Variants in CYP2J2 observed in about 807,000 individuals in gnomAD.
The protein encoded by CYP2J2 is cytochrome P450 2J2.
A neutral mutation model predicts 48.8 loss-of-function variants in CYP2J2; 41 were observed. That is an observed-to-expected ratio of 0.84 (90% CI 0.66 to 1.09). The LOEUF (loss-of-function observed/expected upper bound fraction) is 1.09. CYP2J2 is among the 50% of genes least tolerant of loss of function. The probability of loss-of-function intolerance (pLI) is 0.00; values close to 1 mark genes in which losing one functional copy is unlikely to be tolerated. For synonymous variants in CYP2J2, 221 were observed against 227.1 expected, an observed-to-expected ratio of 0.97 and a Z score of 0.24; for missense variants, 644 against 617.3, an observed-to-expected ratio of 1.04 and a Z score of -0.46.
At chr1:59,962,452 G>A in the CYP2J2 span, among the ~76,000 whole-genome samples, 1 of 152,132 alleles carries the variant, frequency 6.6e-6, no homozygotes, top group East Asian at 1.9e-4. Context: ...AATTCTTTTG[G>A]TTTATACATT....
At chr1:59,955,525 G>A in the CYP2J2 span, among the ~76,000 whole-genome samples, 2 of 151,926 alleles carry the variant, frequency 1.3e-5, no homozygotes, top group African/African-American at 2.4e-5. Context: ...TAAAGTGCCT[G>A]CCCACTGATT....
the CYP2J2 span, among the ~76,000 whole-genome samples, chr1:59,963,808 C>T: frequency 2.3e-3 from 348 of 152,300 alleles, 1 homozygote; most frequent in African/African-American, 7.9e-3. Flanking sequence ...GTTTTCTCAT[C>T]TGCAAACAAG....
chr1:59,911,679 C>A lies in CYP2J2; in HGVS notation c.613G>T (p.Asp205Tyr). The A allele has an allele frequency of 6.2e-7, 1 of 1,613,650 alleles. No homozygotes were observed. The highest frequency in any genetic ancestry group is 8.5e-7 in the Non-Finnish European group (1 of 1,179,696). ...ITFGERFEYQ[D>Y]SWFQQLLKLL... ...TTCAGCAGCTGCTGAAACCAACTAT[C>A]CTGGTACTCAAAGCGTTCTCCGAAG... Residue 205 changes from aspartate to tyrosine, a missense_variant, in exon 4 of 9, where the codon GAT becomes TAT. By Grantham distance (160) the Asp-to-Tyr change is radical. Transcript: ENST00000371204.
At chr1:59,914,750 G>T (rs914547357) in intron 2 of CYP2J2, among the ~76,000 whole-genome samples, 1 of 152,200 alleles carries the variant, frequency 6.6e-6, no homozygotes, top group African/African-American at 2.4e-5. Context: ...GGCCTCATGG[G>T]ATGAGAAAGA....
In CYP2J2 at chr1:59,926,609, C is replaced by A; in HGVS notation, c.138G>T (p.Gly46=). Residue 46 remains glycine, a synonymous_variant, in exon 1 of 9, where the codon GGG becomes GGT. Transcript: ENST00000371204. ...KRRRPKNYPP[G]PWRLPFLGNF... The stretch of plus-strand genomic sequence containing the variant: ...TGCCAAGGAAGGGCAGGCGCCAGGG[C>A]CCCGGCGGGTAGTTCTTTGGGCGCC... 1 of 1,614,226 alleles carries A rather than the reference C, an allele frequency of 6.2e-7. No homozygotes were observed.
the CYP2J2 span, among the ~76,000 whole-genome samples, chr1:59,950,838 T>G: frequency 6.6e-6 from 1 of 152,162 alleles, no homozygotes; most frequent in Non-Finnish European, 1.5e-5. Flanking sequence ...CACATGTCCC[T>G]TCTGTCCGCA....
chr1:59,918,186 AT>A (rs902386295), intron 1 of CYP2J2, among the ~76,000 whole-genome samples: 36 of 152,258 alleles, frequency 2.4e-4, no homozygotes, highest in African/African-American at 7.9e-4. Flanking sequence ...ACATTAAGCA[AT>A]TTTTTTAATG....
At chr1:59,895,154 A>G (rs1049457508) in intron 8 of CYP2J2, among the ~76,000 whole-genome samples, 6 of 152,250 alleles carry the variant, frequency 3.9e-5, no homozygotes, top group Admixed American at 3.3e-4. Flanking sequence ...CCGAGGTCCC[A>G]TTCAGGGTTA....
At chr1:59,951,063 C>A in the CYP2J2 span, among the ~76,000 whole-genome samples, 1 of 152,154 alleles carries the variant, frequency 6.6e-6, no homozygotes, top group Non-Finnish European at 1.5e-5. Flanking sequence ...TGGCAACGTA[C>A]CTTTGTAAGG....
chr1:59,923,052 TCTTCTA>T (rs982688631), intron 1 of CYP2J2, among the ~76,000 whole-genome samples: 1 of 152,072 alleles, frequency 6.6e-6, no homozygotes, highest in African/African-American at 2.4e-5. Flanking sequence ...TTTCCAGCCT[TCTTCTA>T]CAGTAATAAG....
the CYP2J2 span, among the ~76,000 whole-genome samples, chr1:59,967,059 C>T: frequency 8.5e-5 from 13 of 152,088 alleles, no homozygotes; most frequent in African/African-American, 3.1e-4. Flanking sequence ...TGAAATATGA[C>T]CTTGGCCTCC....
At chr1:59,937,429 A>G in the CYP2J2 span, among the ~76,000 whole-genome samples, 5 of 109,752 alleles carry the variant, frequency 4.6e-5, no homozygotes, top group African/African-American at 6.4e-5. Context: ...TTACTAAAAG[A>G]AAAAAAAAAA....
intron 2 of CYP2J2, 35 bp downstream of exon 2, chr1:59,915,903 T>C: frequency 2.5e-6 from 4 of 1,602,402 alleles, no homozygotes; most frequent in Non-Finnish European, 3.4e-6. Flanking sequence ...ACTATCAACA[T>C]CAAACACTCA....
upstream of CYP2J2, among the ~76,000 whole-genome samples, chr1:59,927,851 G>A (rs529662088): frequency 6.6e-6 from 1 of 152,186 alleles, no homozygotes; most frequent in Non-Finnish European, 1.5e-5. Flanking sequence ...AGGATTACAG[G>A]TGTGAGCAAG....
rs779698190 is a variant in CYP2J2, at chr1:59,901,103, C to A, written c.1192G>T (p.Gly398Cys). The A allele has an allele frequency of 6.2e-7, 1 of 1,612,286 alleles. No individual in the cohort carries two copies. The highest frequency in any genetic ancestry group is 1.7e-5 in the Admixed American group (1 of 59,972). ...GTCAAATTGGTCAGGATCATGGTAC[C>A]CTAGAGAAAGCAGCAGAGACTCAGG... ...TTLAGYHLPK[G>C]TMILTNLTAL... The change falls in exon 8 of 9, where the codon GGT becomes TGT. Residue 398 changes from glycine to cysteine, a missense_variant and splice_region_variant. Transcript: ENST00000371204.
At chr1:59,900,702 T>C (rs1644311725) in intron 8 of CYP2J2, among the ~76,000 whole-genome samples, 1 of 152,082 alleles carries the variant, frequency 6.6e-6, no homozygotes, top group Admixed American at 6.5e-5. Context: ...TGGATCTCTG[T>C]CACCAGTTTT....
intron 1 of CYP2J2, among the ~76,000 whole-genome samples, chr1:59,926,028 G>C (rs887033111): frequency 1.3e-5 from 2 of 152,142 alleles, no homozygotes; most frequent in Non-Finnish European, 2.9e-5. Context: ...TCTGAACACC[G>C]TTTGGCAAAA....
intron 8 of CYP2J2, among the ~76,000 whole-genome samples, chr1:59,898,554 T>C (rs1040466472): frequency 5.3e-5 from 8 of 152,210 alleles, no homozygotes; most frequent in African/African-American, 1.9e-4. Context: ...AGTTTTGGAC[T>C]GTTTGTTATG....
the CYP2J2 span, among the ~76,000 whole-genome samples, chr1:59,962,288 A>G: frequency 3.3e-5 from 5 of 152,324 alleles, no homozygotes; most frequent in East Asian, 9.6e-4. Context: ...ATGTAAACCT[A>G]TAACCTAAGT....
Sources: allele counts gnomAD v4.1 joint callset (sites outside exome capture counted in the v4.1 genomes callset), GRCh38; gene constraint gnomAD v4.1.1; transcripts MANE v1.5; gene names NCBI Gene and HGNC (gene_info 2026-07-23, HGNC 2026-07-21).